The following TCF12 variants were observed in gnomAD, a reference collection of about 807,000 sequenced individuals.
The protein encoded by TCF12 is DNA-binding protein HTF4.
A neutral mutation model predicts 86.0 loss-of-function variants in TCF12; 45 were observed. The observed-to-expected ratio is 0.52, with a 90% CI of 0.41 to 0.67. The LOEUF (loss-of-function observed/expected upper bound fraction) is 0.67. TCF12 is among the 30% of genes least tolerant of loss of function. TCF12 has a pLI of 0.00. For synonymous variants in TCF12, 330 were observed against 299.6 expected (o/e 1.10, Z -1.05); for missense variants, 881 against 859.9 (o/e 1.02, Z -0.31).
At chr15:57,143,161 CAAA>C (rs34722160) in intron 5 of TCF12, among the ~76,000 whole-genome samples, 17 of 116,746 alleles carry the variant, frequency 1.5e-4, no homozygotes, top group Non-Finnish European at 8.9e-5. Flanking sequence ...CCCCCCCCAC[CAAA>C]AAAAAAAAAA....
At chr15:57,109,643 G>A (rs528950587) in intron 5 of TCF12, among the ~76,000 whole-genome samples, 7 of 152,146 alleles carry the variant, frequency 4.6e-5, no homozygotes, top group Non-Finnish European at 7.4e-5. Flanking sequence ...CTATTGTTGC[G>A]TATAGTATTT....
rs557610511 is a variant in TCF12, at chr15:56,995,231, C to CTTTTTT, written c.149-68496_149-68491dup. On this transcript the variant is annotated intron_variant, in intron 3 of 20. Coordinates refer to ENST00000333725, the MANE Select transcript of TCF12 (RefSeq NM_207037.2). ...AAGTCAGGTAATGTGATACCTGCAG[C>CTTTTTT]TTTTTTTTTTTTTTTTTTTTTTTTT... is the stretch of plus-strand genomic sequence containing the variant. Among the ~76,000 whole-genome samples the CTTTTTT allele has an allele frequency of 8.8e-3, 267 of 30,294 alleles. 70 individuals carry two copies. The highest frequency in any genetic ancestry group is 0.011 in the African/African-American group (93 of 8,110). The allele number at this position is 30,294 out of a possible 152,430, so 19.9% of individuals were successfully genotyped here.
chr15:57,096,250 C>CT (rs1246223235), intron 5 of TCF12, among the ~76,000 whole-genome samples: 9 of 152,196 alleles, frequency 5.9e-5, no homozygotes, highest in African/African-American at 2.2e-4. Context: ...GTTAAAGACT[C>CT]TGAAAAAAGA....
intron 5 of TCF12, among the ~76,000 whole-genome samples, chr15:57,144,615 T>C (rs760960879): frequency 3.9e-5 from 6 of 152,178 alleles, no homozygotes; most frequent in Non-Finnish European, 7.3e-5. Flanking sequence ...CCCTCTCTTT[T>C]TGAGACAGCT....
chr15:57,195,571 C>G (rs2057217460), intron 7 of TCF12, among the ~76,000 whole-genome samples: 1 of 152,156 alleles, frequency 6.6e-6, no homozygotes, highest in Admixed American at 6.5e-5. Context: ...ATAGGCTTGC[C>G]TCTTGGGGTC....
intron 5 of TCF12, among the ~76,000 whole-genome samples, chr15:57,151,850 A>G (rs966999911): frequency 2.0e-5 from 3 of 152,182 alleles, no homozygotes; most frequent in African/African-American, 4.8e-5. Context: ...CAGTTTCTGT[A>G]AGTACTGAGG....
intron 19 of TCF12, among the ~76,000 whole-genome samples, chr15:57,280,018 C>T (rs745755280): frequency 1.3e-3 from 193 of 151,828 alleles, no homozygotes; most frequent in Non-Finnish European, 2.2e-3. Context: ...CTCAGCCTCC[C>T]GAGTAGCTGA....
chr15:56,918,513 G>C (rs2059602137), upstream of TCF12: 1 of 316,596 alleles, frequency 3.2e-6, no homozygotes, highest in Non-Finnish European at 6.2e-6. Flanking sequence ...CACCCGCCGC[G>C]GTGCGGCTCC....
At chr15:56,963,076 T>C (rs960716358) in intron 3 of TCF12, among the ~76,000 whole-genome samples, 1 of 148,866 alleles carries the variant, frequency 6.7e-6, no homozygotes, top group Non-Finnish European at 1.5e-5. Context: ...TTTTCTGAAA[T>C]TGTAATAAAA....
At chr15:56,996,327 C>G (rs570671012) in intron 3 of TCF12, among the ~76,000 whole-genome samples, 1 of 152,112 alleles carries the variant, frequency 6.6e-6, no homozygotes, top group East Asian at 1.9e-4. Flanking sequence ...ATAGAGAACC[C>G]AAAAGTAAAG....
rs1248803357 is a variant in TCF12 at position 57,170,464 on chromosome 15, T to C, written c.390+3998T>C. Among the ~76,000 whole-genome samples, 5 of 150,196 alleles carry C rather than the reference T, an allele frequency of 3.3e-5. No homozygotes were observed. In the East Asian group the frequency reaches 9.8e-4, roughly 29 times the overall value. On this transcript the variant is annotated intron_variant, in intron 6 of 20. Transcript: ENST00000333725. ...TGCTTCCACCTATGTAGTAGGTCTC[T>C]GAAACTTAAAGTGTATGCGCTTGTG...
chr15:56,961,939 G>A (rs1288327638), intron 3 of TCF12, among the ~76,000 whole-genome samples: 3 of 151,870 alleles, frequency 2.0e-5, no homozygotes, highest in African/African-American at 4.8e-5. Flanking sequence ...TCAGGAGATC[G>A]AGACCACGGT....
intron 3 of TCF12, among the ~76,000 whole-genome samples, chr15:57,044,284 G>A (rs1239685686): frequency 1.3e-5 from 2 of 151,912 alleles, no homozygotes; most frequent in Non-Finnish European, 2.9e-5. Flanking sequence ...TTTACCAGCC[G>A]GGCACAGTGG....
intron 3 of TCF12, among the ~76,000 whole-genome samples, chr15:56,956,960 G>C (rs12102211): frequency 0.017 from 2,619 of 152,218 alleles, 82 homozygotes; most frequent in African/African-American, 0.056. Context: ...TTACCATTCT[G>C]ATGATGTTGA....
chr15:57,208,729 A>G (rs1487967924), intron 8 of TCF12, among the ~76,000 whole-genome samples: 2 of 151,158 alleles, frequency 1.3e-5, no homozygotes, highest in East Asian at 2.0e-4. Context: ...TTCTTTTGAA[A>G]CAGGAATTCA....
intron 3 of TCF12, among the ~76,000 whole-genome samples, chr15:56,922,754 G>C (rs551609054): frequency 1.3e-5 from 2 of 151,988 alleles, no homozygotes; most frequent in South Asian, 4.2e-4. Flanking sequence ...TAATAAAAAA[G>C]CTGTGACTTT....
chr15:57,073,360 T>G (rs1293764391), intron 4 of TCF12, among the ~76,000 whole-genome samples: 3 of 152,214 alleles, frequency 2.0e-5, no homozygotes, highest in African/African-American at 7.2e-5. Flanking sequence ...ATTTTTTCCC[T>G]AAGTTTAGAG....
intron 3 of TCF12, among the ~76,000 whole-genome samples, chr15:56,938,869 CTCT>C (rs1341075359): frequency 1.3e-5 from 2 of 152,070 alleles, no homozygotes; most frequent in African/African-American, 2.4e-5. Flanking sequence ...CACTTAAAAC[CTCT>C]TCTTCTGTGA....
At chr15:57,024,632 T>C (rs2065708988) in intron 3 of TCF12, among the ~76,000 whole-genome samples, 1 of 152,218 alleles carries the variant, frequency 6.6e-6, no homozygotes, top group Non-Finnish European at 1.5e-5. Context: ...TTCATGGCTT[T>C]AGAGCTGCTG....
Sources: gnomAD v4.1 joint callset for allele counts (sites outside exome capture counted in the v4.1 genomes callset) on GRCh38, gnomAD v4.1.1 for gene constraint, MANE v1.5 for transcripts, NCBI Gene and HGNC (gene_info 2026-07-23, HGNC 2026-07-21) for gene names.